Variants in COL3A1 observed in about 807,000 individuals in gnomAD.
COL3A1 encodes collagen alpha-1(III) chain.
Under a neutral mutation model 200.9 loss-of-function variants are expected in COL3A1, and 46 were observed. The ratio of observed to expected loss-of-function variants is 0.23; its 90% CI spans 0.18 to 0.29. The LOEUF (loss-of-function observed/expected upper bound fraction) is 0.29. Among genes scored for constraint, COL3A1 ranks in the 10% least tolerant of loss-of-function variants. The pLI is 1.00. For missense variants in COL3A1, 1,367 were observed against 1,917.6 expected (o/e 0.71, Z 5.36); for synonymous variants, 650 against 628.0 (o/e 1.03, Z -0.52).
At position 189,001,448 on chromosome 2, in the gene COL3A1, A is replaced by C; in HGVS notation, c.2335A>C (p.Lys779Gln). ...TGGCCCAGCTGGCCAGCCTGGAGATAAGGTAACCCTTAATACTACCTGGAT... is the reference window on the plus strand; with the variant it reads ...TGGCCCAGCTGGCCAGCCTGGAGATCAGGTAACCCTTAATACTACCTGGAT... ...PPGPAGQPGD[K>Q]GEGGAPGLPG... is the part of the protein sequence containing the mutation. The change falls in exon 33 of 51, where the codon AAG becomes CAG. Residue 779 changes from lysine (K) to glutamine (Q), a missense_variant and splice_region_variant. Coordinates refer to ENST00000304636, the MANE Select transcript of COL3A1 (RefSeq NM_000090.4). 6.2e-7 allele frequency: 1 copy of C among 1,614,096 alleles called. No individual in the cohort carries two copies. The highest frequency in any genetic ancestry group is 8.5e-7 in the Non-Finnish European group (1 of 1,179,940).
Position 188,999,463 on chromosome 2 carries a change from T to C in COL3A1, c.2122-7T>C. 6.2e-7 allele frequency: 1 copy of C among 1,614,078 alleles called. No individual in the cohort carries two copies. Among genetic ancestry groups the C allele is most frequent in the Non-Finnish European group, 8.5e-7 (1 of 1,180,010 alleles). On this transcript the variant is annotated splice_polypyrimidine_tract_variant and splice_region_variant and intron_variant, in intron 30 of 50. Transcript: ENST00000304636. Reference sequence around the variant, plus strand: ...CTGATCATTTATTATTTCTCACTTATTTTCAGGGTGCTGCTGGTCCTCCTG... The same window carrying C: ...CTGATCATTTATTATTTCTCACTTACTTTCAGGGTGCTGCTGGTCCTCCTG...
intron 47 of COL3A1, 174 bp downstream of exon 47, chr2:189,008,316 C>G: frequency 1.5e-6 from 1 of 660,558 alleles, no homozygotes; most frequent in East Asian, 2.7e-5. Context: ...TTCTACCACA[C>G]TATAACAGGA....
rs112143266 is a variant in COL3A1 at position 188,996,249 on chromosome 2, A to AGTGTGTGT, written c.1662+86_1662+93dup. On this transcript the variant is annotated intron_variant, in intron 23 of 50. Coordinates refer to ENST00000304636, the MANE Select transcript of COL3A1 (RefSeq NM_000090.4). ...GAATGTATATGTTGGCCTATCCTTG[A>AGTGTGTGT]GTGTGTGTGTGTGTGTGTGTGTATA... 26 of 904,682 alleles carry AGTGTGTGT rather than the reference A, an allele frequency of 2.9e-5. No homozygotes were observed. The African/African-American group carries it at 4.1e-4, about 14-fold the overall frequency. The allele number at this position is 904,682 out of a possible 1,614,324, so 56.0% of individuals were successfully genotyped here.
chr2:188,974,804 T>A (rs192380824), intron 1 of COL3A1, among the ~76,000 whole-genome samples: 1 of 152,216 alleles, frequency 6.6e-6, no homozygotes, highest in Non-Finnish European at 1.5e-5. Flanking sequence ...TGTACTAACT[T>A]GTTTTCATGT....
At chr2:188,975,077 A>G (rs1687779134) in intron 1 of COL3A1, among the ~76,000 whole-genome samples, 1 of 152,218 alleles carries the variant, frequency 6.6e-6, no homozygotes, top group African/African-American at 2.4e-5. Flanking sequence ...TATTTCTGTA[A>G]AATGGCTACA....
intron 32 of COL3A1, 37 bp downstream of exon 32, chr2:188,999,932 A>C: frequency 1.3e-6 from 2 of 1,558,528 alleles, no homozygotes; most frequent in Non-Finnish European, 1.7e-6. Context: ...GGCCTTATCT[A>C]TATGTCATAT....
intron 38 of COL3A1, 45 bp from the exon 39 acceptor site, chr2:189,003,937 G>A: frequency 1.3e-6 from 2 of 1,566,758 alleles, no homozygotes; most frequent in Admixed American, 1.8e-5. Context: ...AAGAAAAAAT[G>A]CACTTTTTAT....
rs762985567 is a variant in COL3A1, at chr2:188,994,675, C to A, written c.1348-49C>A. 6.8e-6 allele frequency: 11 copies of A among 1,609,912 alleles called. No individual in the cohort carries two copies. The highest frequency in any genetic ancestry group is 1.3e-5 in the African/African-American group (1 of 74,642). ...AAAGTAAACAGGTAAAAACTTTGAA[C>A]TAAATTCAGTCATAATTTCTTTATT... On this transcript the variant is annotated intron_variant, in intron 19 of 50. Coordinates refer to ENST00000304636, the MANE Select transcript of COL3A1 (RefSeq NM_000090.4). This position sits in a 1 kb window ranked among gnomAD's most constrained non-coding sequence, Gnocchi z 4.5.
chr2:188,986,033 A>G (rs1559053093), intron 4 of COL3A1, among the ~76,000 whole-genome samples: 1 of 152,070 alleles, frequency 6.6e-6, no homozygotes, highest in Non-Finnish European at 1.5e-5. Flanking sequence ...CTCAGCAGAT[A>G]TATAGCATAC....
In COL3A1 at chr2:188,991,708, C is replaced by A. The variant is rs745488745; in HGVS notation, c.937C>A (p.Leu313Ile). 1.2e-6 allele frequency: 2 copies of A among 1,613,886 alleles called. No individual in the cohort carries two copies. Among genetic ancestry groups the A allele is most frequent in the African/African-American group, 1.3e-5 (1 of 74,908 alleles). Residue 313 changes from leucine to isoleucine, a missense_variant, in exon 13 of 51, where the codon CTT (leucine) becomes ATT (isoleucine). By Grantham distance (5) the Leu-to-Ile change is conservative. This residue lies in a region of COL3A1 where 462 missense variants were observed against 681.4 expected (regional missense o/e 0.68). Transcript: ENST00000304636. ...TCCTGGTGAGCGAGGACGGCCAGGA[C>A]TTCCTGGGGCTGCAGTGAGTATAGC... ...GAPGERGRPG[L>I]PGAAGARGND...
chr2:188,997,344 T>G lies in COL3A1; in HGVS notation c.1824T>G (p.Pro608=). The change falls in exon 26 of 51, where the codon CCT becomes CCG. Residue 608 remains proline (P), a synonymous_variant. Transcript: ENST00000304636. ...ACTGTTCTTGTTTTTAGGGTCCTCC[T>G]GGAAAGAATGGTGAAACTGGACCTC... is the stretch of plus-strand genomic sequence containing the variant. The part of the protein sequence containing the change: ...GPGGPGPQGP[P]GKNGETGPQG... 1 of 1,613,902 alleles carries G rather than the reference T, an allele frequency of 6.2e-7. No individual in the cohort carries two copies. The highest frequency in any genetic ancestry group is 8.5e-7 in the Non-Finnish European group (1 of 1,179,858).
At chr2:188,991,758 C>T (rs774484608) in intron 13 of COL3A1, 36 bp downstream of exon 13, 1 of 1,608,676 alleles carries the variant, frequency 6.2e-7, no homozygotes, top group Non-Finnish European at 8.5e-7. Flanking sequence ...AATTACAACC[C>T]AAAGTGACAG....
At chr2:188,979,889 AT>A (rs1449842833) in intron 1 of COL3A1, among the ~76,000 whole-genome samples, 1 of 151,646 alleles carries the variant, frequency 6.6e-6, no homozygotes, top group Non-Finnish European at 1.5e-5. Context: ...CCTTGGGAAA[AT>A]TACTTAATGT....
rs1051163795 is a variant in COL3A1, at chr2:188,992,739, G to T, written c.997-148G>T. 8.3e-6 allele frequency: 6 copies of T among 723,804 alleles called. No individual in the cohort carries two copies. In the African/African-American group the frequency reaches 8.9e-5, roughly 11 times the overall value. 44.8% of individuals were successfully genotyped at this position (723,804 alleles called of 1,614,324 possible). A position where few individuals can be genotyped will look rare whatever the true frequency, so the allele number is the denominator to read the frequency against. On this transcript the variant is annotated intron_variant, in intron 14 of 50. Coordinates refer to ENST00000304636, the MANE Select transcript of COL3A1 (RefSeq NM_000090.4). ...CACTCTTTTCTTATTTTACCACATT[G>T]TTTCTCTACATAATATCCATAAAAT...
chr2:188,975,168 A>G (rs966262236), intron 1 of COL3A1, among the ~76,000 whole-genome samples: 17 of 152,220 alleles, frequency 1.1e-4, no homozygotes, highest in Non-Finnish European at 2.9e-5. Context: ...TTCAAGAATG[A>G]TTGATTAATT....
At chr2:188,993,964 C>T in intron 16 of COL3A1, 74 bp from the exon 17 acceptor site, 1 of 1,427,000 alleles carries the variant, frequency 7.0e-7, no homozygotes, top group Non-Finnish European at 9.8e-7. Context: ...CATTTATTTT[C>T]ACACAAACAA....
chr2:188,997,401 C>A lies in COL3A1; in HGVS notation c.1869+12C>A. ...CCCCAGGGCCTACTGTAAGTTCACT[C>A]ATATAAAATTGGAGATGAAAATAGG... On this transcript the variant is annotated intron_variant, in intron 26 of 50. Transcript: ENST00000304636. 1 of 1,612,724 alleles carries A rather than the reference C, an allele frequency of 6.2e-7. No individual in the cohort carries two copies. Among genetic ancestry groups the A allele is most frequent in the South Asian group, 1.1e-5 (1 of 91,022 alleles).
intron 40 of COL3A1, among the ~76,000 whole-genome samples, chr2:189,004,701 T>A (rs1688550201): frequency 6.6e-6 from 1 of 152,172 alleles, no homozygotes; most frequent in South Asian, 2.1e-4. Flanking sequence ...AGCTTATAGA[T>A]CTTGGAAAGT....
intron 1 of COL3A1, among the ~76,000 whole-genome samples, chr2:188,977,345 C>T (rs1032720833): frequency 6.6e-6 from 1 of 151,990 alleles, no homozygotes; most frequent in Non-Finnish European, 1.5e-5. Context: ...AAACTGTAGG[C>T]CTCTAGTTGT....
Sources: allele counts gnomAD v4.1 joint callset (sites outside exome capture counted in the v4.1 genomes callset), GRCh38; gene constraint gnomAD v4.1.1; regional missense constraint gnomAD v4.1.1; non-coding constraint Gnocchi (gnomAD v3.1); transcripts MANE v1.5; gene names NCBI Gene and HGNC (gene_info 2026-07-23, HGNC 2026-07-21).